Variants in FBXL4 observed in about 807,000 individuals in gnomAD.
The protein encoded by FBXL4 is F-box/LRR-repeat protein 4.
A neutral mutation model predicts 58.9 loss-of-function variants in FBXL4; 40 were observed. The ratio of observed to expected loss-of-function variants is 0.68; its 90% CI spans 0.53 to 0.88. The LOEUF (loss-of-function observed/expected upper bound fraction) is 0.88, where lower values mean the gene tolerates loss of function less well. Among genes scored for constraint, FBXL4 ranks in the 40% least tolerant of loss-of-function variants. The pLI is 0.00. For missense variants in FBXL4, 676 were observed against 734.4 expected (o/e 0.92, Z 0.92); for synonymous variants, 263 against 265.5 (o/e 0.99, Z 0.09).
At chr6:98,897,428 T>C (rs559986001) in intron 7 of FBXL4, 113 of 799,722 alleles carry the variant, frequency 1.4e-4, no homozygotes, top group Non-Finnish European at 1.6e-4. Flanking sequence ...TCTGAGACAA[T>C]GTCTTCACCT....
Position 98,897,295 on chromosome 6 carries a change from T to A in FBXL4, c.1317+1973A>T, listed in dbSNP as rs1319225830. The A allele has an allele frequency of 3.0e-6, 3 of 985,126 alleles. No individual in the cohort carries two copies. The African/African-American group carries it at 5.2e-5, about 17-fold the overall frequency. 61.0% of individuals were successfully genotyped at this position (985,126 alleles called of 1,614,324 possible). A position where few individuals can be genotyped will look rare whatever the true frequency, so the allele number is the denominator to read the frequency against. ...ACAGTCCTACCCAAGAAAAGATAGC[T>A]AGCAATTTTATACCCACACAAATGG... On this transcript the variant is annotated intron_variant, in intron 7 of 9. Coordinates refer to ENST00000369244, the MANE Select transcript of FBXL4 (RefSeq NM_001278716.2).
chr6:98,927,749 TG>T lies in FBXL4; in HGVS notation c.-118del, dbSNP rs1451412249. 2 of 152,230 alleles carry T rather than the reference TG, an allele frequency of 1.3e-5. No homozygotes were observed. Among genetic ancestry groups the T allele is most frequent in the African/African-American group, 4.8e-5 (2 of 41,462 alleles). The allele number at this position is 152,230 out of a possible 1,614,324, so 9.4% of individuals were successfully genotyped here. ...GGATACACATGGGAAATGCAAAAGT[TG>T]GCATTCATCCAGGTACCCTGAACTT... is the stretch of plus-strand genomic sequence containing the variant. On this transcript the variant is annotated 5_prime_UTR_variant, in exon 3 of 10. It introduces an in-frame stop codon into an upstream open reading frame of the 5' UTR. Transcript: ENST00000369244.
At chr6:98,907,215 T>C (rs1469663902) in intron 5 of FBXL4, among the ~76,000 whole-genome samples, 1 of 152,154 alleles carries the variant, frequency 6.6e-6, no homozygotes, top group African/African-American at 2.4e-5. Flanking sequence ...AAAGACTGTG[T>C]TATGAAAGCC....
intron 5 of FBXL4, among the ~76,000 whole-genome samples, chr6:98,916,021 C>A (rs1481446554): frequency 6.6e-6 from 1 of 152,202 alleles, no homozygotes; most frequent in Non-Finnish European, 1.5e-5. Context: ...TGAACAGACA[C>A]TTCTCAAAAG....
intron 7 of FBXL4, among the ~76,000 whole-genome samples, chr6:98,882,985 T>A (rs750010842): frequency 6.6e-6 from 1 of 152,010 alleles, no homozygotes; most frequent in Non-Finnish European, 1.5e-5. Flanking sequence ...CAGGTGTTTA[T>A]GTATTCTTTG....
chr6:98,874,140 G>A lies in FBXL4; in HGVS notation c.*138C>T. 1 of 599,216 alleles carries A rather than the reference G, an allele frequency of 1.7e-6. No individual in the cohort carries two copies. Among genetic ancestry groups the A allele is most frequent in the South Asian group, 4.0e-5 (1 of 25,000 alleles). The allele number at this position is 599,216 out of a possible 1,614,324, so 37.1% of individuals were successfully genotyped here. A position where few individuals can be genotyped will look rare whatever the true frequency, so the allele number is the denominator to read the frequency against. ...GTGCACATTTTTACTTGATTTAATG[G>A]ACAATTTCATATTTTTCTTTAAAAT... is the stretch of plus-strand genomic sequence containing the variant. On this transcript the variant is annotated 3_prime_UTR_variant, in exon 10 of 10. Transcript: ENST00000369244.
chr6:98,910,206 T>C (rs1293638252), intron 5 of FBXL4, among the ~76,000 whole-genome samples: 1 of 152,124 alleles, frequency 6.6e-6, no homozygotes, highest in East Asian at 1.9e-4. Flanking sequence ...CCTAGGAATA[T>C]TTCGAAACTG....
chr6:98,907,965 C>T (rs1771876189), intron 5 of FBXL4, among the ~76,000 whole-genome samples: 1 of 152,128 alleles, frequency 6.6e-6, no homozygotes, highest in African/African-American at 2.4e-5. Context: ...TTCCCACTTG[C>T]CCATGCTGTT....
Position 98,887,879 on chromosome 6 carries a change from T to A in FBXL4, c.1318-7255A>T, listed in dbSNP as rs1042942536. On this transcript the variant is annotated intron_variant, in intron 7 of 9. Transcript: ENST00000369244. The stretch of plus-strand genomic sequence containing the variant: ...GTAAGCACAAATTAACACAGTTTCA[T>A]GGCTTTCTCCAGCAAAGCTCATCAG... 5.9e-5 allele frequency among the ~76,000 whole-genome samples: 9 copies of A among 152,340 alleles called. No individual in the cohort carries two copies. In the South Asian group the frequency reaches 6.2e-4, roughly 11 times the overall value.
At chr6:98,915,892 A>C (rs1438430578) in intron 5 of FBXL4, among the ~76,000 whole-genome samples, 3 of 151,586 alleles carry the variant, frequency 2.0e-5, no homozygotes, top group South Asian at 2.1e-4. Context: ...CAACCTACAA[A>C]ATGGGAGAAA....
At position 98,922,152 on chromosome 6, in the gene FBXL4, G is replaced by A. The variant is rs186930489; in HGVS notation, c.512+4325C>T. On this transcript the variant is annotated intron_variant, in intron 4 of 9. Transcript: ENST00000369244. ...CATGTTGGCCAGGCTGGTCTCAAAC[G>A]CTTGACCTTGTTATCCGCCCCCCTC... 1.9e-3 allele frequency among the ~76,000 whole-genome samples: 283 copies of A among 152,134 alleles called. 2 individuals are homozygous for A. The highest frequency in any genetic ancestry group is 6.7e-3 in the African/African-American group (277 of 41,508).
intron 7 of FBXL4, among the ~76,000 whole-genome samples, chr6:98,887,748 G>A (rs929320209): frequency 6.6e-6 from 1 of 152,194 alleles, no homozygotes; most frequent in African/African-American, 2.4e-5. Context: ...AGATGGAAGT[G>A]ATGGTAATGG....
At chr6:98,943,713 A>G (rs1009020084) in intron 1 of FBXL4, among the ~76,000 whole-genome samples, 6 of 152,156 alleles carry the variant, frequency 3.9e-5, no homozygotes, top group Admixed American at 3.3e-4. Flanking sequence ...AAATGGTGTA[A>G]AATGACTGAA....
intron 7 of FBXL4, among the ~76,000 whole-genome samples, chr6:98,895,841 A>G (rs982173685): frequency 2.6e-5 from 4 of 152,146 alleles, no homozygotes; most frequent in African/African-American, 9.7e-5. Flanking sequence ...TAAATATACT[A>G]TATTTATTAA....
chr6:98,935,081 A>G lies in FBXL4; in HGVS notation c.-308-202T>C, dbSNP rs137962440. ...CAAGAAGTCAAGTAGGAATGAATTT[A>G]TCAGAAAACAAGAGATAAGATTTAG... is the stretch of plus-strand genomic sequence containing the variant. On this transcript the variant is annotated intron_variant, in intron 1 of 9. Transcript: ENST00000369244. Among the ~76,000 whole-genome samples the G allele has an allele frequency of 4.6e-3, 696 of 152,368 alleles. 3 individuals carry two copies. Among genetic ancestry groups the G allele is most frequent in the Non-Finnish European group, 7.1e-3 (485 of 68,034 alleles).
chr6:98,894,614 A>ATATT (rs1358925632), intron 7 of FBXL4, among the ~76,000 whole-genome samples: 1 of 152,166 alleles, frequency 6.6e-6, no homozygotes, highest in Admixed American at 6.5e-5. Context: ...ATGCGAGCAT[A>ATATT]TATTTGGGCT....
chr6:98,934,832 G>C lies in FBXL4; in HGVS notation c.-261C>G, dbSNP rs1161499718. On this transcript the variant is annotated 5_prime_UTR_variant, in exon 2 of 10. Coordinates refer to ENST00000369244, the MANE Select transcript of FBXL4 (RefSeq NM_001278716.2). ...TTCAAAGCTTCTTGAAAATCCAAGC[G>C]AATGAAGCAAATGGAGAAGGCAAGG... The C allele has an allele frequency of 6.6e-6, 1 of 152,164 alleles. No individual in the cohort carries two copies. Among genetic ancestry groups the C allele is most frequent in the Non-Finnish European group, 1.5e-5 (1 of 68,038 alleles). 9.4% of individuals were successfully genotyped at this position (152,164 alleles called of 1,614,324 possible).
Position 98,870,470 on chromosome 6 carries a change from C to G in FBXL4, c.*3808G>C, listed in dbSNP as rs902301719. The G allele has an allele frequency of 2.6e-5, 4 of 152,184 alleles. No homozygotes were observed. Among genetic ancestry groups the G allele is most frequent in the African/African-American group, 9.6e-5 (4 of 41,454 alleles). The allele number at this position is 152,184 out of a possible 1,614,324, so 9.4% of individuals were successfully genotyped here. ...TTTAGGTACTGTCTATGATTGCTTT[C>G]ACATTAGAATGGCAGAGTTGAACAA... On this transcript the variant is annotated 3_prime_UTR_variant, in exon 10 of 10. Coordinates refer to ENST00000369244, the MANE Select transcript of FBXL4 (RefSeq NM_001278716.2).
intron 1 of FBXL4, among the ~76,000 whole-genome samples, chr6:98,939,234 T>C (rs1376948057): frequency 1.3e-5 from 2 of 152,142 alleles, no homozygotes; most frequent in African/African-American, 2.4e-5. Flanking sequence ...ATTTTAATGG[T>C]ATCTGGGAAA....
Sources: gnomAD v4.1 joint callset for allele counts (sites outside exome capture counted in the v4.1 genomes callset) on GRCh38, gnomAD v4.1.1 for gene constraint, MANE v1.5 for transcripts, NCBI Gene and HGNC (gene_info 2026-07-23, HGNC 2026-07-21) for gene names.